The following SMG6 variants were observed in gnomAD, a reference collection of about 807,000 sequenced individuals.
The protein encoded by SMG6 is telomerase-binding protein EST1A.
In SMG6, 66 loss-of-function variants were observed where a neutral mutation model predicts 142.2. The observed-to-expected ratio is 0.46, with a 90% CI of 0.38 to 0.57. The LOEUF (loss-of-function observed/expected upper bound fraction) is 0.57, where lower values mean the gene tolerates loss of function less well. Among genes scored for constraint, SMG6 ranks in the 20% least tolerant of loss-of-function variants. The pLI, the probability that SMG6 is intolerant of heterozygous loss-of-function variation, is 0.00. For synonymous variants in SMG6, 779 were observed against 702.4 expected, an observed-to-expected ratio of 1.11 and a Z score of -1.72; for missense variants, 1,793 against 1,832.0, an observed-to-expected ratio of 0.98 and a Z score of 0.39.
intron 8 of SMG6, among the ~76,000 whole-genome samples, chr17:2,257,719 G>A (rs1351666036): frequency 2.0e-5 from 3 of 151,900 alleles, no homozygotes; most frequent in African/African-American, 4.8e-5. Flanking sequence ...AAACTTTACA[G>A]TACATTGAAA....
chr17:2,150,213 G>A (rs1448842047), intron 13 of SMG6, among the ~76,000 whole-genome samples: 1 of 152,222 alleles, frequency 6.6e-6, no homozygotes, highest in Non-Finnish European at 1.5e-5. Flanking sequence ...ACACGTGCAA[G>A]GAATCTAGCC....
At chr17:2,118,874 C>A (rs1597414704) in intron 13 of SMG6, among the ~76,000 whole-genome samples, 1 of 149,744 alleles carries the variant, frequency 6.7e-6, no homozygotes, top group African/African-American at 2.5e-5. Flanking sequence ...TAGGCATGGG[C>A]CACTGTGCCT....
At chr17:2,179,646 G>A (rs2071748071) in intron 12 of SMG6, among the ~76,000 whole-genome samples, 1 of 152,068 alleles carries the variant, frequency 6.6e-6, no homozygotes, top group Non-Finnish European at 1.5e-5. Context: ...GCTACAATTA[G>A]GAAGATATAT....
In SMG6 at chr17:2,120,358, CAAGAA is replaced by C. The variant is rs200129190; in HGVS notation, c.3358-34462_3358-34458del. On this transcript the variant is annotated intron_variant, in intron 13 of 18. Coordinates refer to ENST00000263073, the MANE Select transcript of SMG6 (RefSeq NM_017575.5). ...TAAGGAACTCAACAAGAAAATAACT[CAAGAA>C]AATGGGAGGAAGATGTGAAAAGATC... Among the ~76,000 whole-genome samples the C allele has an allele frequency of 8.7e-4, 132 of 152,170 alleles. 1 individual carries two copies. In the East Asian group the frequency reaches 0.025, roughly 29 times the overall value.
intron 6 of SMG6, among the ~76,000 whole-genome samples, chr17:2,289,853 C>T (rs2074991209): frequency 6.6e-6 from 1 of 151,322 alleles, no homozygotes; most frequent in African/African-American, 2.4e-5. Context: ...GCGGAGGTTA[C>T]AGTAAGCCGA....
At position 2,299,010 on chromosome 17, in the gene SMG6, C is replaced by A; in HGVS notation, c.1743G>T (p.Leu581=). The change falls in exon 2 of 19, where the codon CTG becomes CTT. Residue 581 remains leucine, a synonymous_variant. Transcript: ENST00000263073. The surrounding 1 kb of genome is among the most constrained non-coding windows in gnomAD (Gnocchi z 4.3). ...QHMRNLQQQE[L]HRLLRVADNQ... The stretch of plus-strand genomic sequence containing the variant: ...TGTCAGCCACCCGGAGAAGCCTGTG[C>A]AGCTCCTGTTGCTGCAGGTTCCTCA... 6.2e-7 allele frequency: 1 copy of A among 1,614,148 alleles called. No homozygotes were observed. The highest frequency in any genetic ancestry group is 8.5e-7 in the Non-Finnish European group (1 of 1,180,036).
chr17:2,097,869 CAG>C (rs1230745799), intron 13 of SMG6, among the ~76,000 whole-genome samples: 1 of 152,186 alleles, frequency 6.6e-6, no homozygotes, highest in Non-Finnish European at 1.5e-5. Flanking sequence ...GGTAGCAGAG[CAG>C]AGAGTAGACC....
At chr17:2,133,023 T>C (rs1370723807) in intron 13 of SMG6, among the ~76,000 whole-genome samples, 2 of 152,142 alleles carry the variant, frequency 1.3e-5, no homozygotes, top group Non-Finnish European at 2.9e-5. Context: ...GGTGGGTGGA[T>C]TACTTGAGGC....
At chr17:2,189,637 C>A (rs2072098409) in intron 10 of SMG6, among the ~76,000 whole-genome samples, 1 of 152,022 alleles carries the variant, frequency 6.6e-6, no homozygotes, top group Non-Finnish European at 1.5e-5. Context: ...CAAGGGGAGC[C>A]CTCTCATCAG....
intron 10 of SMG6, among the ~76,000 whole-genome samples, chr17:2,226,435 C>T (rs1411711243): frequency 3.4e-5 from 5 of 146,334 alleles, no homozygotes; most frequent in Admixed American, 6.8e-5. Flanking sequence ...AAAAATTAGC[C>T]GGGTGTGGTG....
At chr17:2,109,153 T>C (rs2069238412) in intron 13 of SMG6, among the ~76,000 whole-genome samples, 1 of 152,228 alleles carries the variant, frequency 6.6e-6, no homozygotes, top group African/African-American at 2.4e-5. Context: ...CCTGGCAAAA[T>C]AGCATTAGAG....
intron 13 of SMG6, among the ~76,000 whole-genome samples, chr17:2,111,218 G>A (rs1474025316): frequency 2.6e-5 from 4 of 152,138 alleles, no homozygotes; most frequent in South Asian, 2.1e-4. Context: ...ATTTTTCTGA[G>A]ACTGAGAATC....
chr17:2,189,528 C>G (rs1373966279), intron 10 of SMG6, among the ~76,000 whole-genome samples: 1 of 151,770 alleles, frequency 6.6e-6, no homozygotes, highest in Non-Finnish European at 1.5e-5. Context: ...TGTGAATTCC[C>G]TCTCTAATAC....
intron 10 of SMG6, among the ~76,000 whole-genome samples, chr17:2,198,778 T>G (rs931323471): frequency 6.6e-6 from 1 of 151,712 alleles, no homozygotes; most frequent in Non-Finnish European, 1.5e-5. Context: ...ACTCAGTCAC[T>G]TGGGGGATAC....
At chr17:2,141,190 T>C (rs80260386) in intron 13 of SMG6, among the ~76,000 whole-genome samples, 1,557 of 152,318 alleles carry the variant, frequency 0.01, 31 homozygotes, top group African/African-American at 0.034. Context: ...GGTGTGGAAA[T>C]AGTAACTTTC....
At chr17:2,161,305 T>C (rs1298271472) in intron 13 of SMG6, among the ~76,000 whole-genome samples, 1 of 152,036 alleles carries the variant, frequency 6.6e-6, no homozygotes, top group African/African-American at 2.4e-5. Flanking sequence ...GGTTTCATCA[T>C]GTTGGCCAGA....
intron 15 of SMG6, among the ~76,000 whole-genome samples, chr17:2,073,187 G>T (rs185147983): frequency 8.0e-4 from 122 of 152,088 alleles, no homozygotes; most frequent in Non-Finnish European, 1.4e-3. Context: ...AGATTCAAGC[G>T]ATTCTCCTGC....
At chr17:2,100,991 G>A (rs1416437517) in intron 13 of SMG6, 2 of 152,216 alleles carry the variant, frequency 1.3e-5, no homozygotes, top group Non-Finnish European at 2.9e-5. Flanking sequence ...TGAACACTGA[G>A]TTTTAGAATT....
intron 8 of SMG6, among the ~76,000 whole-genome samples, chr17:2,245,071 G>GA (rs1275630872): frequency 6.6e-6 from 1 of 152,194 alleles, no homozygotes; most frequent in Admixed American, 6.5e-5. Context: ...TCATGGAAAT[G>GA]AAACTCTAAC....
Sources: gnomAD v4.1 joint callset for allele counts (sites outside exome capture counted in the v4.1 genomes callset) on GRCh38, gnomAD v4.1.1 for gene constraint, Gnocchi (gnomAD v3.1) non-coding constraint, MANE v1.5 for transcripts, NCBI Gene and HGNC (gene_info 2026-07-23, HGNC 2026-07-21) for gene names.